Variants in ANKS1B observed in about 807,000 individuals in gnomAD.
The protein encoded by ANKS1B is ankyrin repeat and sterile alpha motif domain containing 1B, also known as ankyrin repeat and sterile alpha motif domain-containing protein 1B.
In ANKS1B, 36 loss-of-function variants were observed where a neutral mutation model predicts 148.3. That is an observed-to-expected ratio of 0.24 (90% CI 0.19 to 0.32). ANKS1B has a LOEUF of 0.32. Ranked by LOEUF, ANKS1B falls within the 10% of genes least tolerant of loss-of-function variation. ANKS1B has a pLI of 1.00. For synonymous variants in ANKS1B, 542 were observed against 560.8 expected (o/e 0.97, Z 0.47); for missense variants, 1,157 against 1,542.6 (o/e 0.75, Z 4.19).
chr12:99,184,445 C>G (rs546578410), intron 14 of ANKS1B, among the ~76,000 whole-genome samples: 3 of 152,266 alleles, frequency 2.0e-5, no homozygotes, highest in African/African-American at 7.2e-5. Context: ...AGACTTAGGG[C>G]TACAAGTTCA....
chr12:99,354,696 T>C (rs1024697423), intron 12 of ANKS1B, among the ~76,000 whole-genome samples: 1 of 151,970 alleles, frequency 6.6e-6, no homozygotes, highest in African/African-American at 2.4e-5. Context: ...AATATTAACA[T>C]GGATAAGATT....
intron 8 of ANKS1B, among the ~76,000 whole-genome samples, chr12:99,659,395 T>A (rs2098465103): frequency 9.7e-6 from 1 of 103,134 alleles, no homozygotes; most frequent in Non-Finnish European, 1.8e-5. Context: ...GATGTGAAAA[T>A]TCTACTATAA....
At chr12:99,108,492 G>A (rs1330930998) in intron 15 of ANKS1B, among the ~76,000 whole-genome samples, 2 of 152,112 alleles carry the variant, frequency 1.3e-5, no homozygotes, top group East Asian at 1.9e-4. Flanking sequence ...AAAGAATGGG[G>A]TTCATAAATA....
At chr12:99,353,585 T>C (rs1408836931) in intron 12 of ANKS1B, among the ~76,000 whole-genome samples, 1 of 152,082 alleles carries the variant, frequency 6.6e-6, no homozygotes, top group African/African-American at 2.4e-5. Flanking sequence ...TAGTTTCCTT[T>C]TAATCTTTTT....
At chr12:99,249,971 C>A (rs1405628799) in intron 12 of ANKS1B, among the ~76,000 whole-genome samples, 1 of 152,124 alleles carries the variant, frequency 6.6e-6, no homozygotes, top group Admixed American at 6.5e-5. Flanking sequence ...ACCAACAGAT[C>A]AGGAGACAAT....
intron 1 of ANKS1B, among the ~76,000 whole-genome samples, chr12:99,972,948 T>C (rs916606531): frequency 2.0e-5 from 3 of 152,246 alleles, no homozygotes; most frequent in African/African-American, 7.2e-5. Flanking sequence ...CCAAATCTAC[T>C]GTGCCTGTGC....
intron 17 of ANKS1B, among the ~76,000 whole-genome samples, chr12:98,915,287 A>G (rs1057436415): frequency 6.6e-6 from 1 of 152,200 alleles, no homozygotes; most frequent in African/African-American, 2.4e-5. Flanking sequence ...AGCCAAGGAG[A>G]GAGATCTGGA....
chr12:98,878,365 C>T (rs1206864233), intron 17 of ANKS1B, among the ~76,000 whole-genome samples: 1 of 142,352 alleles, frequency 7.0e-6, no homozygotes, highest in Non-Finnish European at 1.5e-5. Context: ...CAGAATGAGA[C>T]CCTGTCTCAA....
intron 12 of ANKS1B, among the ~76,000 whole-genome samples, chr12:99,370,477 G>A (rs1467949191): frequency 1.3e-5 from 2 of 152,090 alleles, no homozygotes; most frequent in Non-Finnish European, 1.5e-5. Context: ...GAAGGCCAGT[G>A]GATCCAGATG....
chr12:98,955,283 G>A lies in ANKS1B; in HGVS notation c.2778+97874C>T, dbSNP rs145181757. 3.5e-4 allele frequency among the ~76,000 whole-genome samples: 54 copies of A among 152,248 alleles called. No individual in the cohort carries two copies. In the East Asian group the frequency reaches 9.1e-3, roughly 26 times the overall value. ...ATAATTTAAGAAAAGACTTGAAGGA[G>A]GTAAATTATGTAGCTATCTGAGGGA... On this transcript the variant is annotated intron_variant, in intron 17 of 26. Transcript: ENST00000683438.
rs34366930 is a variant in ANKS1B at position 98,744,795 on chromosome 12, A to AT, written c.*943dup. ...GAAATCTTGACAGCAGGAGCACTAG[A>AT]TTTTTTTTTTTTTAACATGTTCTTT... is the stretch of plus-strand genomic sequence containing the variant. On this transcript the variant is annotated 3_prime_UTR_variant, in exon 27 of 27. Coordinates refer to ENST00000683438, the MANE Select transcript of ANKS1B (RefSeq NM_001352186.2). 43,994 of 757,218 alleles carry AT rather than the reference A, an allele frequency of 0.058. 450 individuals are homozygous for AT. Among genetic ancestry groups the AT allele is most frequent in the African/African-American group, 0.15 (7,594 of 52,366 alleles). The allele number at this position is 757,218 out of a possible 1,614,324, so 46.9% of individuals were successfully genotyped here. A position where few individuals can be genotyped will look rare whatever the true frequency, so the allele number is the denominator to read the frequency against.
intron 10 of ANKS1B, among the ~76,000 whole-genome samples, chr12:99,466,594 T>A (rs1388471969): frequency 2.2e-4 from 33 of 149,878 alleles, no homozygotes; most frequent in Non-Finnish European, 8.8e-5. Flanking sequence ...CAATAAAAAA[T>A]GATAAAGGGG....
chr12:99,280,044 A>G (rs1393433156), intron 12 of ANKS1B, among the ~76,000 whole-genome samples: 2 of 152,100 alleles, frequency 1.3e-5, no homozygotes, highest in Non-Finnish European at 2.9e-5. Context: ...TAAAGGAACC[A>G]GCAGCTCAAA....
At position 99,941,541 on chromosome 12, in the gene ANKS1B, A is replaced by T. The variant is rs959894818; in HGVS notation, c.134+42563T>A. 4.0e-4 allele frequency among the ~76,000 whole-genome samples: 61 copies of T among 152,132 alleles called. 2 individuals carry two copies. Among genetic ancestry groups the T allele is most frequent in the Non-Finnish European group, 1.5e-5 (1 of 67,990 alleles). On this transcript the variant is annotated intron_variant, in intron 1 of 26. Transcript: ENST00000683438. ...TCAGTTAGTTATCCATTCCACAAACATCTTTTGAGCAACTACTACATATCT... is the reference window on the plus strand; with the variant it reads ...TCAGTTAGTTATCCATTCCACAAACTTCTTTTGAGCAACTACTACATATCT...
In ANKS1B at chr12:99,559,709, A is replaced by C. The variant is rs576403967; in HGVS notation, c.1273-55068T>G. On this transcript the variant is annotated intron_variant, in intron 9 of 26. Transcript: ENST00000683438. Reference sequence around the variant, plus strand: ...TCAGCAAAATTAGGTAACCTGTACAAATAACATAGTTAATAACAAAAGTCA... The same window carrying C: ...TCAGCAAAATTAGGTAACCTGTACACATAACATAGTTAATAACAAAAGTCA... Among the ~76,000 whole-genome samples, 14 of 152,330 alleles carry C rather than the reference A, an allele frequency of 9.2e-5. No individual in the cohort carries two copies. The South Asian group carries it at 2.9e-3, about 32-fold the overall frequency.
At chr12:99,149,068 G>A (rs942027553) in intron 15 of ANKS1B, among the ~76,000 whole-genome samples, 2 of 151,720 alleles carry the variant, frequency 1.3e-5, no homozygotes, top group African/African-American at 4.8e-5. Flanking sequence ...TTATCACGGG[G>A]GGAGGGGGGT....
intron 1 of ANKS1B, among the ~76,000 whole-genome samples, chr12:99,928,340 G>A (rs1331976149): frequency 2.7e-5 from 4 of 149,494 alleles, no homozygotes; most frequent in East Asian, 1.9e-4. Flanking sequence ...CTGCAGTGGC[G>A]CAATCTCGGC....
At chr12:99,452,775 A>G (rs567607285) in intron 10 of ANKS1B, among the ~76,000 whole-genome samples, 3 of 152,350 alleles carry the variant, frequency 2.0e-5, no homozygotes, top group Admixed American at 6.5e-5. Context: ...GTTTGTTAAA[A>G]AGTAACAATT....
At chr12:99,139,510 T>C (rs1027940319) in intron 15 of ANKS1B, among the ~76,000 whole-genome samples, 1 of 135,854 alleles carries the variant, frequency 7.4e-6, no homozygotes, top group Non-Finnish European at 1.5e-5. Flanking sequence ...ACTCCTGGTC[T>C]CAGGCAATGC....
Sources: gnomAD v4.1 joint callset for allele counts (sites outside exome capture counted in the v4.1 genomes callset) on GRCh38, gnomAD v4.1.1 for gene constraint, MANE v1.5 for transcripts, NCBI Gene and HGNC (gene_info 2026-07-23, HGNC 2026-07-21) for gene names.